SIRT2: variants seen among roughly 807,000 people sequenced by gnomAD.
The protein encoded by SIRT2 is NAD-dependent protein deacetylase sirtuin-2.
SIRT2 carries 40 observed loss-of-function variants against 57.4 expected under a neutral mutation model. The ratio of observed to expected loss-of-function variants is 0.70; its 90% confidence interval spans 0.54 to 0.91. The LOEUF (loss-of-function observed/expected upper bound fraction) is 0.91, where lower values mean the gene tolerates loss of function less well. Ranked by LOEUF, SIRT2 falls within the 40% of genes least tolerant of loss-of-function variation. The pLI, the probability that SIRT2 is intolerant of heterozygous loss-of-function variation, is 0.00. For missense variants in SIRT2, 439 were observed against 510.4 expected (o/e 0.86, Z 1.35); for synonymous variants, 161 against 195.7 (o/e 0.82, Z 1.48).
chr19:38,892,598 G>C (rs73043807), intron 4 of SIRT2, among the ~76,000 whole-genome samples: 22,545 of 151,978 alleles, frequency 0.15, 2,393 homozygotes, highest in Admixed American at 0.33. Flanking sequence ...TTTAGAGTCA[G>C]AGTCTCACTG....
At chr19:38,899,125 G>C (rs1375585102) in intron 1 of SIRT2, among the ~76,000 whole-genome samples, 1 of 152,014 alleles carries the variant, frequency 6.6e-6, no homozygotes, top group Non-Finnish European at 1.5e-5. Context: ...GGAGAGGCGC[G>C]GAACAAGGGG....
intron 2 of SIRT2, among the ~76,000 whole-genome samples, chr19:38,896,659 T>C (rs1446796290): frequency 1.3e-5 from 2 of 152,240 alleles, no homozygotes; most frequent in African/African-American, 4.8e-5. Context: ...CGCCTCTCTC[T>C]CTTTGGGACT....
intron 10 of SIRT2, 47 bp downstream of exon 10, chr19:38,881,385 G>A: frequency 6.4e-7 from 1 of 1,568,406 alleles, no homozygotes; most frequent in Non-Finnish European, 8.8e-7. Flanking sequence ...GGGAGGAGGG[G>A]ACCCCCACCC....
rs1568402688 is a variant in SIRT2 at position 38,890,041 on chromosome 19, C to T, written c.268+62G>A. On this transcript the variant is annotated intron_variant, in intron 5 of 15. Transcript: ENST00000249396. ...ACAGGGCTCAGATAGGGCTCCTCCC[C>T]AGCCCTTGGGAGGGACTCCCCAGTT... 6 of 1,606,458 alleles carry T rather than the reference C, an allele frequency of 3.7e-6. No individual in the cohort carries two copies. The Middle Eastern group carries it at 5.0e-4, about 133-fold the overall frequency.
chr19:38,892,086 C>G, intron 4 of SIRT2: 1 of 355,996 alleles, frequency 2.8e-6, no homozygotes, highest in East Asian at 9.2e-5. Flanking sequence ...TTGGTGACCT[C>G]AACTTGTGGC....
intron 2 of SIRT2, among the ~76,000 whole-genome samples, chr19:38,896,348 G>A (rs1973715425): frequency 2.0e-5 from 3 of 151,876 alleles, no homozygotes; most frequent in East Asian, 3.9e-4. Context: ...TTGAGTTTTC[G>A]GCAGAACAAT....
At chr19:38,879,331 G>A (rs1973049363) in intron 15 of SIRT2, 21 bp from the exon 16 acceptor site, 1 of 1,612,972 alleles carries the variant, frequency 6.2e-7, no homozygotes, top group African/African-American at 1.3e-5. Context: ...AAAGGTCACA[G>A]AAGTCAAAGG....
chr19:38,879,454 C>A lies in SIRT2; in HGVS notation c.994G>T (p.Ala332Ser). 6.3e-7 allele frequency: 1 copy of A among 1,598,730 alleles called. No homozygotes were observed. Among genetic ancestry groups the A allele is most frequent in the Non-Finnish European group, 8.5e-7 (1 of 1,172,544 alleles). The change falls in exon 15 of 16, where the codon GCT becomes TCT. Residue 332 changes from alanine to serine, a missense_variant. Coordinates refer to ENST00000249396, the MANE Select transcript of SIRT2 (RefSeq NM_012237.4). ...GECDQGCLAL[A>S]ELLGWKKELE... ...CTCACCTTCCATCCAAGGAGCTCAG[C>A]AAGGGCCAGGCAGCCCTGGTCGCAT...
At position 38,890,137 on chromosome 19, in the gene SIRT2, T is replaced by A. The variant is rs1360499204; in HGVS notation, c.234A>T (p.Arg78Ser). Residue 78 changes from arginine (R) to serine (S), a missense_variant, in exon 5 of 16, where the codon AGA becomes AGT. Transcript: ENST00000249396. ...ARYMQSERCR[R>S]VICLVGAGIS... Reference sequence around the variant, plus strand: ...TTCCAGCTCCCACCAAACAGATGACTCTGCGACCTGGAGGAGAGGAACTTA... The same window carrying A: ...TTCCAGCTCCCACCAAACAGATGACACTGCGACCTGGAGGAGAGGAACTTA... 6.2e-7 allele frequency: 1 copy of A among 1,614,064 alleles called. No homozygotes were observed. The highest frequency in any genetic ancestry group is 8.5e-7 in the Non-Finnish European group (1 of 1,180,032).
intron 2 of SIRT2, among the ~76,000 whole-genome samples, chr19:38,897,597 A>C (rs1371028953): frequency 6.6e-6 from 1 of 151,876 alleles, no homozygotes; most frequent in Non-Finnish European, 1.5e-5. Flanking sequence ...GTCAAGGCAC[A>C]CTACGGCCTT....
In SIRT2 at chr19:38,878,977, GA is replaced by G. The variant is rs1973028790; in HGVS notation, c.*177del. On this transcript the variant is annotated 3_prime_UTR_variant, in exon 16 of 16. Transcript: ENST00000249396. ...GCCTTGGCCTCTAGGAGGTGTTAGA[GA>G]TTTGCTGGGGTTGGGGGCCAGGGTT... 1 of 598,170 alleles carries G rather than the reference GA, an allele frequency of 1.7e-6. No individual in the cohort carries two copies. Among genetic ancestry groups the G allele is most frequent in the Non-Finnish European group, 2.8e-6 (1 of 356,300 alleles). The allele number at this position is 598,170 out of a possible 1,614,324, so 37.1% of individuals were successfully genotyped here.
chr19:38,894,943 A>G (rs1973669994), intron 2 of SIRT2: 1 of 454,906 alleles, frequency 2.2e-6, no homozygotes, highest in Non-Finnish European at 4.4e-6. Context: ...GGTGCCCCCC[A>G]GCCTCTCACT....
At chr19:38,898,340 C>T (rs1161415851) in intron 2 of SIRT2, 39 bp downstream of exon 2, 1 of 1,407,990 alleles carries the variant, frequency 7.1e-7, no homozygotes, top group East Asian at 2.5e-5. Flanking sequence ...TGGAACAAGT[C>T]CGTCTCTCTC....
chr19:38,884,510 A>G, intron 8 of SIRT2, among the ~76,000 whole-genome samples: 1 of 151,868 alleles, frequency 6.6e-6, no homozygotes, highest in East Asian at 1.9e-4. Context: ...GTGCAGTGGC[A>G]CAATCTCGGC....
Position 38,880,230 on chromosome 19 carries a change from C to T in SIRT2, c.876+455G>A, listed in dbSNP as rs933260375. ...TGGGGTTGTGGCGCCAGTGAGTTCA[C>T]GCAGGCTAAGACTTGGGACAGTGTC... On this transcript the variant is annotated intron_variant, in intron 13 of 15. Transcript: ENST00000249396. This position sits in a 1 kb window ranked among gnomAD's most constrained non-coding sequence, Gnocchi z 4.1. 15 of 185,948 alleles carry T rather than the reference C, an allele frequency of 8.1e-5. 1 individual carries two copies. The highest frequency in any genetic ancestry group is 5.5e-4 in the South Asian group (4 of 7,288). 11.5% of individuals were successfully genotyped at this position (185,948 alleles called of 1,614,324 possible).
intron 9 of SIRT2, among the ~76,000 whole-genome samples, chr19:38,883,371 G>A (rs966528283): frequency 6.6e-6 from 1 of 151,996 alleles, no homozygotes; most frequent in African/African-American, 2.4e-5. Flanking sequence ...TTACAGGTGT[G>A]AGCCACTGCT....
chr19:38,890,300 G>A (rs982207376), intron 4 of SIRT2, among the ~76,000 whole-genome samples, 156 bp from the exon 5 acceptor site: 3 of 152,188 alleles, frequency 2.0e-5, no homozygotes, highest in Non-Finnish European at 4.4e-5. Flanking sequence ...AGACGGGGAT[G>A]GTGTTAACAT....
rs1973610873 is a variant in SIRT2 at position 38,893,461 on chromosome 19, T to C, written c.179A>G (p.Asp60Gly). ...GGCCACCCCTTCCAAGGTCAGCTCG[T>C]CCAGCAGACGCTCCTTCTGGCTGCC... Reference protein sequence around the residue: ...SLGSQKERLLDELTLEGVARY... With the variant: ...SLGSQKERLLGELTLEGVARY... Residue 60 changes from aspartate to glycine, a missense_variant, in exon 4 of 16, where the codon GAC (aspartate) becomes GGC (glycine). Transcript: ENST00000249396. 1 of 1,613,920 alleles carries C rather than the reference T, an allele frequency of 6.2e-7. No homozygotes were observed. The highest frequency in any genetic ancestry group is 8.5e-7 in the Non-Finnish European group (1 of 1,179,990).
rs1170267859 is a variant in SIRT2 at position 38,880,812 on chromosome 19, C to T, written c.824+9G>A. 6.2e-7 allele frequency: 1 copy of T among 1,613,818 alleles called. No individual in the cohort carries two copies. The highest frequency in any genetic ancestry group is 1.7e-5 in the Admixed American group (1 of 60,018). The stretch of plus-strand genomic sequence containing the variant: ...CCAGCCGTCCTCCCAGCCACAGCCC[C>T]CAACCTACTTGCTGATGAGGGAGGC... On this transcript the variant is annotated intron_variant, in intron 12 of 15. Transcript: ENST00000249396. This position sits in a 1 kb window ranked among gnomAD's most constrained non-coding sequence, Gnocchi z 4.1.
Sources: gnomAD v4.1 joint callset for allele counts (sites outside exome capture counted in the v4.1 genomes callset) on GRCh38, gnomAD v4.1.1 for gene constraint, Gnocchi (gnomAD v3.1) non-coding constraint, MANE v1.5 for transcripts, NCBI Gene and HGNC (gene_info 2026-07-23, HGNC 2026-07-21) for gene names.